KIAA0319L: variants seen among roughly 807,000 people sequenced by gnomAD.
KIAA0319L encodes the protein KIAA0319 like.
KIAA0319L carries 55 observed loss-of-function variants against 120.1 expected under a neutral mutation model. The ratio of observed to expected loss-of-function variants is 0.46; its 90% confidence interval spans 0.37 to 0.57. The LOEUF is 0.57. KIAA0319L is among the 20% of genes least tolerant of loss of function. The pLI is 0.00. For missense variants in KIAA0319L, 1,049 were observed against 1,255.3 expected (o/e 0.84, Z 2.48); for synonymous variants, 398 against 471.9 (o/e 0.84, Z 2.03).
At chr1:35,451,389 AAAGT>A (rs1253191470) in intron 13 of KIAA0319L, among the ~76,000 whole-genome samples, 2 of 152,192 alleles carry the variant, frequency 1.3e-5, no homozygotes, top group African/African-American at 4.8e-5. Context: ...GACTGAAAAG[AAAGT>A]AAGGGGATGA....
intron 2 of KIAA0319L, among the ~76,000 whole-genome samples, chr1:35,535,174 T>C (rs1483484936): frequency 1.3e-5 from 2 of 151,354 alleles, no homozygotes; most frequent in Non-Finnish European, 2.9e-5. Context: ...GGGCAATATT[T>C]ATAGGCAGAA....
chr1:35,479,966 A>AAAAAAAAAAAC (rs1644090904), intron 3 of KIAA0319L, among the ~76,000 whole-genome samples: 33 of 130,778 alleles, frequency 2.5e-4, no homozygotes, highest in East Asian at 1.5e-3. Flanking sequence ...AAAAAAAAAA[A>AAAAAAAAAAAC]AAAAAACACA....
At chr1:35,549,492 G>T (rs989857379) in intron 2 of KIAA0319L, among the ~76,000 whole-genome samples, 1 of 152,112 alleles carries the variant, frequency 6.6e-6, no homozygotes, top group Non-Finnish European at 1.5e-5. Context: ...CTCAAAATAC[G>T]TATTAACTAA....
At chr1:35,460,529 T>G in intron 8 of KIAA0319L, 92 bp from the exon 9 acceptor site, 1 of 1,176,078 alleles carries the variant, frequency 8.5e-7, no homozygotes, top group East Asian at 2.4e-5. Flanking sequence ...ACCCAGAGAT[T>G]TGAAGCTAGG....
At chr1:35,545,809 C>T (rs1571028465) in intron 2 of KIAA0319L, among the ~76,000 whole-genome samples, 1 of 151,972 alleles carries the variant, frequency 6.6e-6, no homozygotes, top group East Asian at 1.9e-4. Context: ...GCAGGAGAAT[C>T]GCTTGAACCT....
intron 2 of KIAA0319L, among the ~76,000 whole-genome samples, chr1:35,548,940 C>A (rs572354266): frequency 5.9e-5 from 9 of 152,320 alleles, no homozygotes; most frequent in African/African-American, 2.2e-4. Flanking sequence ...TCTGTTCAGG[C>A]ATCAGCTTCT....
chr1:35,507,147 G>C lies in KIAA0319L; in HGVS notation c.143-12C>G. ...GCTCTCACTGGCATCTAAAAACAAA[G>C]AATGAAAACATTTTCAGATGAAATA... On this transcript the variant is annotated splice_polypyrimidine_tract_variant and intron_variant, in intron 2 of 20. Coordinates refer to ENST00000325722, the MANE Select transcript of KIAA0319L (RefSeq NM_024874.5). 1 of 1,513,282 alleles carries C rather than the reference G, an allele frequency of 6.6e-7. No individual in the cohort carries two copies. Among genetic ancestry groups the C allele is most frequent in the Non-Finnish European group, 8.8e-7 (1 of 1,132,268 alleles). 93.7% of individuals were successfully genotyped at this position (1,513,282 alleles called of 1,614,324 possible). A position where few individuals can be genotyped will look rare whatever the true frequency, so the allele number is the denominator to read the frequency against.
chr1:35,451,664 G>A lies in KIAA0319L; in HGVS notation c.2026C>T (p.Gln676Ter). The A allele has an allele frequency of 6.2e-7, 1 of 1,614,122 alleles. No individual in the cohort carries two copies. The highest frequency in any genetic ancestry group is 8.5e-7 in the Non-Finnish European group (1 of 1,180,002). The part of the protein sequence containing the change: ...TLTVKDERNL[Q>*]SQSSVNVIVK... ...ATGACATTCACAGAGCTCTGGCTTT[G>A]CAGGTTCCTCTCATCTTTGACAGTC... is the stretch of plus-strand genomic sequence containing the variant. The change falls in exon 13 of 21, where the codon CAA becomes TAA. Residue 676 changes from glutamine (Q) to a stop codon, truncating the protein, a stop_gained. Transcript: ENST00000325722. LOFTEE classifies it high-confidence loss of function.
At chr1:35,527,921 GT>G (rs2148460949) in intron 2 of KIAA0319L, among the ~76,000 whole-genome samples, 2 of 150,914 alleles carry the variant, frequency 1.3e-5, no homozygotes, top group South Asian at 4.2e-4. Flanking sequence ...CTAATTTTGG[GT>G]TTGGTTTGTC....
chr1:35,490,563 G>C (rs1326984046), intron 3 of KIAA0319L, among the ~76,000 whole-genome samples: 2 of 152,216 alleles, frequency 1.3e-5, no homozygotes, highest in East Asian at 1.9e-4. Flanking sequence ...AGAAATAACA[G>C]AGATGACAGA....
Position 35,550,711 on chromosome 1 carries a change from G to A in KIAA0319L, c.142+3639C>T, listed in dbSNP as rs558823469. 1.6e-3 allele frequency among the ~76,000 whole-genome samples: 245 copies of A among 152,054 alleles called. 2 individuals carry two copies. Among genetic ancestry groups the A allele is most frequent in the Admixed American group, 3.7e-3 (56 of 15,262 alleles). Reference sequence around the variant, plus strand: ...CATTTAATATTAGGAGCATTTTCCCGTGTACTTTTTTTTTAAATTATTAAA... The same window carrying A: ...CATTTAATATTAGGAGCATTTTCCCATGTACTTTTTTTTTAAATTATTAAA... On this transcript the variant is annotated intron_variant, in intron 2 of 20. Coordinates refer to ENST00000325722, the MANE Select transcript of KIAA0319L (RefSeq NM_024874.5).
chr1:35,504,249 T>G (rs1645121223), intron 3 of KIAA0319L, among the ~76,000 whole-genome samples: 2 of 151,658 alleles, frequency 1.3e-5, no homozygotes, highest in African/African-American at 4.8e-5. Context: ...CAGGCTGGAG[T>G]GCAGTGGCGC....
chr1:35,522,456 T>C (rs1645962656), intron 2 of KIAA0319L, among the ~76,000 whole-genome samples: 1 of 151,756 alleles, frequency 6.6e-6, no homozygotes, highest in Non-Finnish European at 1.5e-5. Flanking sequence ...ATTTTTGTAT[T>C]TTTAGTAGAG....
intron 4 of KIAA0319L, among the ~76,000 whole-genome samples, chr1:35,477,559 C>T (rs953399319): frequency 2.0e-5 from 3 of 150,040 alleles, no homozygotes; most frequent in Admixed American, 6.7e-5. Flanking sequence ...CCCAGCTACT[C>T]GGGAGGCTGA....
At chr1:35,509,249 TC>T (rs1645328983) in intron 2 of KIAA0319L, among the ~76,000 whole-genome samples, 1 of 152,158 alleles carries the variant, frequency 6.6e-6, no homozygotes, top group South Asian at 2.1e-4. Flanking sequence ...GCTTCAGAAA[TC>T]TGAACAGTAG....
At chr1:35,455,769 C>T (rs1347518199) in intron 10 of KIAA0319L, among the ~76,000 whole-genome samples, 4 of 151,588 alleles carry the variant, frequency 2.6e-5, no homozygotes, top group Admixed American at 6.6e-5. Flanking sequence ...TTAGTAGAGA[C>T]GGGGTTTCAC....
intron 2 of KIAA0319L, among the ~76,000 whole-genome samples, chr1:35,528,698 G>A (rs116466986): frequency 0.013 from 1,908 of 152,240 alleles, 49 homozygotes; most frequent in African/African-American, 0.04. Flanking sequence ...GTCTATTGTT[G>A]AGAGTGGGGT....
intron 3 of KIAA0319L, among the ~76,000 whole-genome samples, chr1:35,479,940 G>C (rs1213233593): frequency 8.7e-5 from 2 of 22,880 alleles, no homozygotes; most frequent in South Asian, 1.7e-3. Context: ...CAATGTTTAT[G>C]ATGAGCCAAA....
rs767528860 is a variant in KIAA0319L, at chr1:35,473,615, G to A, written c.1015+1190C>T. On this transcript the variant is annotated intron_variant, in intron 5 of 20. Coordinates refer to ENST00000325722, the MANE Select transcript of KIAA0319L (RefSeq NM_024874.5). ...CAATCACCTTAACTTGTCACCAGAGGAAGAAAGGAAAAAGCTTCTCTAGAG... is the reference window on the plus strand; with the variant it reads ...CAATCACCTTAACTTGTCACCAGAGAAAGAAAGGAAAAAGCTTCTCTAGAG... Among the ~76,000 whole-genome samples the A allele has an allele frequency of 6.9e-4, 105 of 152,166 alleles. 1 individual carries two copies. The highest frequency in any genetic ancestry group is 1.4e-3 in the Non-Finnish European group (94 of 68,014).
Sources: allele counts gnomAD v4.1 joint callset (sites outside exome capture counted in the v4.1 genomes callset), GRCh38; gene constraint gnomAD v4.1.1; transcripts MANE v1.5; gene names NCBI Gene and HGNC (gene_info 2026-07-23, HGNC 2026-07-21).